The following DOCK9 variants were observed in gnomAD, a reference collection of about 807,000 sequenced individuals.
DOCK9 encodes the protein dedicator of cytokinesis protein 9.
DOCK9 carries 89 observed loss-of-function variants against 263.3 expected under a neutral mutation model. The ratio of observed to expected loss-of-function variants is 0.34; its 90% CI spans 0.28 to 0.40. The LOEUF is 0.40. Ranked by LOEUF, DOCK9 falls within the 10% of genes least tolerant of loss-of-function variation. The pLI is 1.00. For missense variants in DOCK9, 2,140 were observed against 2,603.4 expected (o/e 0.82, Z 3.87); for synonymous variants, 976 against 973.1 (o/e 1.00, Z -0.06).
At chr13:99,005,978 G>A (rs761964771) in intron 1 of DOCK9, among the ~76,000 whole-genome samples, 53 of 152,196 alleles carry the variant, frequency 3.5e-4, no homozygotes, top group Admixed American at 2.0e-4. Flanking sequence ...AAATACTGGT[G>A]AATATCTGAT....
chr13:98,872,532 G>T (rs1027819507), intron 27 of DOCK9, among the ~76,000 whole-genome samples: 29 of 152,012 alleles, frequency 1.9e-4, no homozygotes, highest in Non-Finnish European at 3.8e-4. Flanking sequence ...TCAGTCTCCT[G>T]AGTAGCCGGG....
chr13:98,979,413 A>C (rs752799242), upstream of DOCK9, among the ~76,000 whole-genome samples: 5 of 152,146 alleles, frequency 3.3e-5, no homozygotes, highest in Non-Finnish European at 7.4e-5. Flanking sequence ...GGCTCAGAGG[A>C]GGCAGTGGGG....
At chr13:99,061,259 T>C (rs1298606582) in intron 1 of DOCK9, among the ~76,000 whole-genome samples, 1 of 152,134 alleles carries the variant, frequency 6.6e-6, no homozygotes, top group East Asian at 1.9e-4. Flanking sequence ...AAAAAGACAA[T>C]GAAGGATGTC....
chr13:98,844,082 G>A (rs117842432), intron 38 of DOCK9, among the ~76,000 whole-genome samples: 5,162 of 152,218 alleles, frequency 0.034, 135 homozygotes, highest in Middle Eastern at 0.088. Flanking sequence ...TTTATCAGTG[G>A]GGATTGAATT....
intron 45 of DOCK9, among the ~76,000 whole-genome samples, chr13:98,813,463 AC>A (rs2091515983): frequency 6.6e-6 from 1 of 152,172 alleles, no homozygotes; most frequent in Non-Finnish European, 1.5e-5. Context: ...GTATGCATCT[AC>A]TGAGAAAATC....
At position 98,903,126 on chromosome 13, in the gene DOCK9, T is replaced by A; in HGVS notation, c.1036-14A>T. On this transcript the variant is annotated splice_polypyrimidine_tract_variant and intron_variant, in intron 10 of 52. Transcript: ENST00000682017. ...GAAGTCAAGCTTCTTTAAAAGAAAATGTAAACATATAAATAAGTTATGCTC... is the reference window on the plus strand; with the variant it reads ...GAAGTCAAGCTTCTTTAAAAGAAAAAGTAAACATATAAATAAGTTATGCTC... 1.3e-6 allele frequency: 2 copies of A among 1,490,224 alleles called. No homozygotes were observed. The highest frequency in any genetic ancestry group is 1.8e-6 in the Non-Finnish European group (2 of 1,125,558). 92.3% of individuals were successfully genotyped at this position (1,490,224 alleles called of 1,614,324 possible). A position where few individuals can be genotyped will look rare whatever the true frequency, so the allele number is the denominator to read the frequency against.
intron 1 of DOCK9, among the ~76,000 whole-genome samples, chr13:99,054,242 T>C (rs1403084166): frequency 6.6e-6 from 1 of 152,154 alleles, no homozygotes; most frequent in African/African-American, 2.4e-5. Context: ...ACAGCCTTGG[T>C]CTAGAGTAAT....
intron 43 of DOCK9, among the ~76,000 whole-genome samples, chr13:98,828,714 T>C (rs1223852322): frequency 6.6e-6 from 1 of 152,216 alleles, no homozygotes; most frequent in Non-Finnish European, 1.5e-5. Flanking sequence ...CAATTCCCCA[T>C]TTTACAGATG....
chr13:98,909,283 C>A (rs1336513537), intron 9 of DOCK9, among the ~76,000 whole-genome samples: 3 of 152,194 alleles, frequency 2.0e-5, no homozygotes, highest in Non-Finnish European at 4.4e-5. Flanking sequence ...ACTAATGACA[C>A]ACCCTGACAA....
chr13:98,873,123 C>T (rs542166207), intron 27 of DOCK9, among the ~76,000 whole-genome samples: 4 of 152,322 alleles, frequency 2.6e-5, no homozygotes, highest in African/African-American at 9.6e-5. Flanking sequence ...TTGGGTCACA[C>T]ATGTGCTGCC....
intron 1 of DOCK9, among the ~76,000 whole-genome samples, chr13:99,084,733 T>C (rs1195542244): frequency 1.3e-5 from 2 of 152,218 alleles, no homozygotes; most frequent in African/African-American, 4.8e-5. Flanking sequence ...TATTTACTCT[T>C]CTTCTGCCTC....
intron 18 of DOCK9, among the ~76,000 whole-genome samples, chr13:98,887,139 ATATATTTTTTTT>A (rs1417678629): frequency 7.0e-4 from 34 of 48,760 alleles, no homozygotes; most frequent in African/African-American, 2.0e-3. Context: ...ATATATATAT[ATATATTTTTTTT>A]TTTTTTTTTT....
At position 98,826,885 on chromosome 13, in the gene DOCK9, T is replaced by G; in HGVS notation, c.4968A>C (p.Ala1656=). The G allele has an allele frequency of 6.2e-7, 1 of 1,608,202 alleles. No individual in the cohort carries two copies. Residue 1656 remains alanine, a splice_region_variant and synonymous_variant, in exon 44 of 53, where the codon GCA becomes GCC. Transcript: ENST00000682017. ...CTGTTACGTGGACATAGCACATTGC[T>G]GCCTATAATAGAAGACACATGCCTC... ...IHVKNGDLSE[A]AMCYVHVTAL...
intron 1 of DOCK9, among the ~76,000 whole-genome samples, chr13:99,062,576 C>T (rs56328271): frequency 0.028 from 4,212 of 152,252 alleles, 93 homozygotes; most frequent in South Asian, 0.062. Context: ...CTTAAAGACA[C>T]GGAAAGAATG....
chr13:98,881,524 G>T, intron 25 of DOCK9, 34 bp downstream of exon 25: 2 of 1,546,652 alleles, frequency 1.3e-6, no homozygotes, highest in Admixed American at 1.9e-5. Flanking sequence ...GAGAGCCACA[G>T]ATGTAAGTGA....
rs1435113092 is a variant in DOCK9 at position 98,977,890 on chromosome 13, C to T, written c.20G>A (p.Arg7Lys). MQADKC[R>K]TSSRSVKKEL... is the part of the protein sequence containing the mutation. ...CTTTTTGACACTTCTACTACTTGTC[C>T]TGCATTTATCAGCCTGCATTCTCGG... Residue 7 changes from arginine to lysine, a missense_variant, in exon 1 of 53, where the codon AGG becomes AAG. By Grantham distance (26) the Arg-to-Lys change is conservative. This residue lies in a region of DOCK9 where 1,521 missense variants were observed against 1,741.7 expected (regional missense o/e 0.87). Transcript: ENST00000682017. 4 of 1,595,256 alleles carry T rather than the reference C, an allele frequency of 2.5e-6. No homozygotes were observed. The highest frequency in any genetic ancestry group is 3.5e-5 in the Admixed American group (2 of 57,218).
chr13:98,805,660 C>G (rs750180493), intron 48 of DOCK9, among the ~76,000 whole-genome samples: 1 of 152,202 alleles, frequency 6.6e-6, no homozygotes, highest in Non-Finnish European at 1.5e-5. Context: ...GTGTTTGGAT[C>G]AGAATCTAAT....
At chr13:98,947,679 T>C (rs952397688) in intron 2 of DOCK9, among the ~76,000 whole-genome samples, 21 of 152,258 alleles carry the variant, frequency 1.4e-4, no homozygotes, top group African/African-American at 5.1e-4. Flanking sequence ...ATAATTTTTG[T>C]ATTTTTGGTA....
At chr13:98,899,738 G>A (rs777585872) in intron 13 of DOCK9, among the ~76,000 whole-genome samples, 4 of 152,152 alleles carry the variant, frequency 2.6e-5, no homozygotes, top group Admixed American at 6.5e-5. Flanking sequence ...AAAATTTAAA[G>A]CTAAAACATA....
Sources: allele counts gnomAD v4.1 joint callset (sites outside exome capture counted in the v4.1 genomes callset), GRCh38; gene constraint gnomAD v4.1.1; regional missense constraint gnomAD v4.1.1; transcripts MANE v1.5; gene names NCBI Gene and HGNC (gene_info 2026-07-23, HGNC 2026-07-21).